The following CDH22 variants were observed in gnomAD, a reference collection of about 807,000 sequenced individuals.
CDH22 encodes the protein cadherin-22.
Under a neutral mutation model 58.4 loss-of-function variants are expected in CDH22, and 30 were observed. The ratio of observed to expected loss-of-function variants is 0.51; its 90% confidence interval spans 0.38 to 0.70. The LOEUF (loss-of-function observed/expected upper bound fraction) is 0.70. Ranked by LOEUF, CDH22 falls within the 30% of genes least tolerant of loss-of-function variation. The pLI is 0.00. For synonymous variants in CDH22, 513 were observed against 558.2 expected (o/e 0.92, Z 1.14); for missense variants, 1,014 against 1,233.9 (o/e 0.82, Z 2.67).
At chr20:46,217,125 A>G (rs1697726260) in intron 4 of CDH22, 132 bp from the exon 5 acceptor site, 1 of 771,740 alleles carries the variant, frequency 1.3e-6, no homozygotes, top group Non-Finnish European at 2.1e-6. Context: ...TGGGCCACAC[A>G]AGGACATCCA....
At chr20:46,195,622 C>A (rs6131034) in intron 8 of CDH22, among the ~76,000 whole-genome samples, 56 of 150,834 alleles carry the variant, frequency 3.7e-4, no homozygotes, top group East Asian at 7.9e-4. Flanking sequence ...AGACCCCCCC[C>A]CCACCCAGTC....
chr20:46,195,870 C>G (rs1043491710), intron 8 of CDH22, among the ~76,000 whole-genome samples: 2 of 152,124 alleles, frequency 1.3e-5, no homozygotes, highest in Non-Finnish European at 2.9e-5. Flanking sequence ...GGCGGTGGCT[C>G]CTGGCTGAGT....
chr20:46,303,884 C>T (rs924154956), intron 1 of CDH22, among the ~76,000 whole-genome samples: 2 of 152,160 alleles, frequency 1.3e-5, no homozygotes, highest in African/African-American at 4.8e-5. Context: ...AGAGAACGAT[C>T]GCTCTGGTTG....
intron 3 of CDH22, among the ~76,000 whole-genome samples, chr20:46,229,082 G>C (rs945914207): frequency 6.6e-6 from 1 of 152,136 alleles, no homozygotes; most frequent in Non-Finnish European, 1.5e-5. Flanking sequence ...TGTCAGAGTT[G>C]ACCAGAGAAG....
In CDH22 at chr20:46,204,271, G is replaced by A. The variant is rs367954272; in HGVS notation, c.1287-4712C>T. 1.2e-3 allele frequency among the ~76,000 whole-genome samples: 187 copies of A among 152,018 alleles called. 2 individuals carry two copies. Among genetic ancestry groups the A allele is most frequent in the African/African-American group, 4.2e-3 (173 of 41,456 alleles). On this transcript the variant is annotated intron_variant, in intron 7 of 11. Transcript: ENST00000537909. ...TAGCTGGGTGTGGTGGCATGTGCCT[G>A]TAATCCCAGCTACTCATGAGGCTGA...
Position 46,186,820 on chromosome 20 carries a change from G to A in CDH22, c.1545+6C>T, listed in dbSNP as rs535327451. 4 of 1,600,170 alleles carry A rather than the reference G, an allele frequency of 2.5e-6. No homozygotes were observed. The highest frequency in any genetic ancestry group is 2.2e-5 in the East Asian group (1 of 44,702). On this transcript the variant is annotated splice_donor_region_variant and intron_variant, in intron 9 of 11. Coordinates refer to ENST00000537909, the MANE Select transcript of CDH22 (RefSeq NM_021248.3). ...CAACGCCCAGTCCCCACCCCCTCAG[G>A]GGTACCTGGCCTGGCTTGGCATCCT...
In CDH22 at chr20:46,246,216, C is replaced by T. The variant is rs936449526; in HGVS notation, c.255+4824G>A. Among the ~76,000 whole-genome samples, 7 of 152,186 alleles carry T rather than the reference C, an allele frequency of 4.6e-5. No individual in the cohort carries two copies. In the East Asian group the frequency reaches 5.8e-4, roughly 13 times the overall value. ...AAATAAAATGAGTCCAGGATTTAAA[C>T]GGAAAGCAAATCAAATAAAAAGCCT... On this transcript the variant is annotated intron_variant, in intron 2 of 11. Coordinates refer to ENST00000537909, the MANE Select transcript of CDH22 (RefSeq NM_021248.3).
chr20:46,243,728 T>G (rs1168338258), intron 2 of CDH22, among the ~76,000 whole-genome samples: 1 of 152,190 alleles, frequency 6.6e-6, no homozygotes, highest in African/African-American at 2.4e-5. Context: ...CTCTACCTGC[T>G]TCCCAGCCTG....
Position 46,210,569 on chromosome 20 carries a change from G to A in CDH22, c.1033-9C>T. 1 of 1,427,700 alleles carries A rather than the reference G, an allele frequency of 7.0e-7. No individual in the cohort carries two copies. The highest frequency in any genetic ancestry group is 1.6e-5 in the South Asian group (1 of 62,642). 88.4% of individuals were successfully genotyped at this position (1,427,700 alleles called of 1,614,324 possible). ...GATTCGAAGTCCAGGCGCTGCGGGA[G>A]GGAGCAGAGGGCCGGTTAGTGGGTG... is the stretch of plus-strand genomic sequence containing the variant. On this transcript the variant is annotated splice_polypyrimidine_tract_variant and intron_variant, in intron 6 of 11. Transcript: ENST00000537909. This position sits in a 1 kb window ranked among gnomAD's most constrained non-coding sequence, Gnocchi z 4.5.
intron 7 of CDH22, among the ~76,000 whole-genome samples, chr20:46,204,811 G>A (rs1447197679): frequency 6.6e-6 from 1 of 152,122 alleles, no homozygotes; most frequent in African/African-American, 2.4e-5. Context: ...GGAGAAAATG[G>A]GGAGGGTGCT....
Position 46,277,890 on chromosome 20 carries a change from C to T in CDH22, c.-399-26197G>A, listed in dbSNP as rs548353873. Among the ~76,000 whole-genome samples, 26 of 150,420 alleles carry T rather than the reference C, an allele frequency of 1.7e-4. No homozygotes were observed. In the East Asian group the frequency reaches 3.2e-3, roughly 18 times the overall value. On this transcript the variant is annotated intron_variant, in intron 1 of 11. Coordinates refer to ENST00000537909, the MANE Select transcript of CDH22 (RefSeq NM_021248.3). ...GCTTTGAAGGGAAGGAGGGAGGGGG[C>T]GGTAGCTGGAGAGGAAGGCAGGGCC...
chr20:46,296,832 ATTGT>A (rs1022495900), intron 1 of CDH22, among the ~76,000 whole-genome samples: 4 of 152,088 alleles, frequency 2.6e-5, no homozygotes, highest in African/African-American at 9.7e-5. Flanking sequence ...CTAATTTGTG[ATTGT>A]TTTTCTAACC....
At chr20:46,248,549 G>A (rs1011723273) in intron 2 of CDH22, among the ~76,000 whole-genome samples, 5 of 152,196 alleles carry the variant, frequency 3.3e-5, no homozygotes, top group African/African-American at 4.8e-5. Context: ...GGGAACAGGT[G>A]TAGTGGCTGA....
intron 7 of CDH22, among the ~76,000 whole-genome samples, chr20:46,203,464 A>G (rs1441464617): frequency 2.0e-5 from 3 of 152,050 alleles, no homozygotes; most frequent in Non-Finnish European, 4.4e-5. Flanking sequence ...TGTGTGTGTG[A>G]GATTGTGCAT....
chr20:46,210,384 C>A lies in CDH22; in HGVS notation c.1209G>T (p.Val403=). 1.4e-6 allele frequency: 2 copies of A among 1,479,858 alleles called. No homozygotes were observed. The highest frequency in any genetic ancestry group is 8.9e-7 in the Non-Finnish European group (1 of 1,118,486). The allele number at this position is 1,479,858 out of a possible 1,614,324, so 91.7% of individuals were successfully genotyped here. A position where few individuals can be genotyped will look rare whatever the true frequency, so the allele number is the denominator to read the frequency against. Residue 403 remains valine, a synonymous_variant, in exon 7 of 12, where the codon GTG becomes GTT. Transcript: ENST00000537909. The surrounding 1 kb of genome is among the most constrained non-coding windows in gnomAD (Gnocchi z 4.5). ...EFRPPSGLLE[V]QEDAQVGSLV... The stretch of plus-strand genomic sequence containing the variant: ...GGGAGCCCACCTGCGCGTCCTCCTG[C>A]ACCTCCAGGAGGCCGGAGGGCGGCC...
Position 46,300,770 on chromosome 20 carries a change from G to C in CDH22, c.-400+7485C>G, listed in dbSNP as rs994408646. ...TTGAGGAATCTGGTGAGCGCCACACGACTCCTGCCAAAAACGTCCCAGTGG... is the reference window on the plus strand; with the variant it reads ...TTGAGGAATCTGGTGAGCGCCACACCACTCCTGCCAAAAACGTCCCAGTGG... On this transcript the variant is annotated intron_variant, in intron 1 of 11. Transcript: ENST00000537909. This position sits in a 1 kb window ranked among gnomAD's most constrained non-coding sequence, Gnocchi z 4.4. 6.6e-6 allele frequency among the ~76,000 whole-genome samples: 1 copy of C among 152,198 alleles called. No homozygotes were observed. The highest frequency in any genetic ancestry group is 1.5e-5 in the Non-Finnish European group (1 of 68,038).
chr20:46,305,180 C>G (rs925128330), intron 1 of CDH22, among the ~76,000 whole-genome samples: 17 of 152,366 alleles, frequency 1.1e-4, no homozygotes, highest in Non-Finnish European at 2.2e-4. Flanking sequence ...CTTGTTAGGC[C>G]TTGTCTCCTC....
intron 1 of CDH22, among the ~76,000 whole-genome samples, chr20:46,290,102 T>G (rs2086593925): frequency 6.6e-6 from 1 of 152,228 alleles, no homozygotes; most frequent in African/African-American, 2.4e-5. Context: ...CAACTGGTTT[T>G]GAGAATGGGT....
chr20:46,231,268 A>G (rs556263863), intron 3 of CDH22, among the ~76,000 whole-genome samples: 1 of 152,280 alleles, frequency 6.6e-6, no homozygotes, highest in African/African-American at 2.4e-5. Context: ...ATCCATGTGG[A>G]ATGTTAGATA....
Sources: allele counts gnomAD v4.1 joint callset (sites outside exome capture counted in the v4.1 genomes callset), GRCh38; gene constraint gnomAD v4.1.1; non-coding constraint Gnocchi (gnomAD v3.1); transcripts MANE v1.5; gene names NCBI Gene and HGNC (gene_info 2026-07-23, HGNC 2026-07-21).